The following TUSC3 variants were observed in gnomAD, a reference collection of about 807,000 sequenced individuals.
TUSC3 encodes the protein tumor suppressor candidate 3.
TUSC3 carries 45 observed loss-of-function variants against 44.8 expected under a neutral mutation model. The ratio of observed to expected loss-of-function variants is 1.00; its 90% CI spans 0.79 to 1.29. The LOEUF (loss-of-function observed/expected upper bound fraction) is 1.29. Ranked by LOEUF, TUSC3 falls within the 50% of genes most tolerant of loss-of-function variation. TUSC3 has a pLI of 0.00. For missense variants in TUSC3, 519 were observed against 437.9 expected, an observed-to-expected ratio of 1.19 and a Z score of -1.65; for synonymous variants, 212 against 152.9, an observed-to-expected ratio of 1.39 and a Z score of -2.85.
intron 1 of TUSC3, among the ~76,000 whole-genome samples, chr8:15,436,133 C>T (rs1032237683): frequency 2.0e-5 from 3 of 152,094 alleles, no homozygotes; most frequent in African/African-American, 4.8e-5. Context: ...ATAGGGTTTC[C>T]TGACTATCCT....
chr8:15,635,344 A>C (rs1387200415), intron 2 of TUSC3, among the ~76,000 whole-genome samples: 1 of 152,146 alleles, frequency 6.6e-6, no homozygotes, highest in Non-Finnish European at 1.5e-5. Context: ...CGAGTCACAC[A>C]TATTTTCATG....
chr8:15,511,850 G>A (rs950988875), intron 2 of TUSC3, among the ~76,000 whole-genome samples: 5 of 146,130 alleles, frequency 3.4e-5, no homozygotes, highest in Non-Finnish European at 6.1e-5. Flanking sequence ...CAGCCTGGGC[G>A]ACAGAGCAAG....
At chr8:15,732,469 C>G (rs1159869428) in intron 7 of TUSC3, among the ~76,000 whole-genome samples, 1 of 152,040 alleles carries the variant, frequency 6.6e-6, no homozygotes, top group East Asian at 1.9e-4. Flanking sequence ...TCCGTTAAAC[C>G]TTTGTTTCTT....
chr8:15,807,114 G>T, the TUSC3 span: 7 of 1,166,720 alleles, frequency 6.0e-6, no homozygotes, highest in Non-Finnish European at 8.9e-6. Flanking sequence ...GTTATACACA[G>T]CAAAGAATGA....
intron 6 of TUSC3, among the ~76,000 whole-genome samples, chr8:15,711,680 T>C (rs1406436260): frequency 6.6e-6 from 1 of 151,800 alleles, no homozygotes; most frequent in Non-Finnish European, 1.5e-5. Flanking sequence ...ATAACCTGTT[T>C]TGTCTGATTT....
rs73665470 is a variant in TUSC3 at position 15,661,031 on chromosome 8, A to T, written c.568-1125A>T. On this transcript the variant is annotated intron_variant, in intron 4 of 10. Transcript: ENST00000503731. ...TAGGTTCACCTATTGTTAACATTTT[A>T]TTCCATCTGCTTTGTGATTATCATT... 9.2e-3 allele frequency among the ~76,000 whole-genome samples: 1,403 copies of T among 151,812 alleles called. 22 individuals carry two copies. Among genetic ancestry groups the T allele is most frequent in the African/African-American group, 0.033 (1,358 of 41,454 alleles).
At chr8:15,669,083 C>G (rs1182196769) in intron 5 of TUSC3, among the ~76,000 whole-genome samples, 2 of 151,678 alleles carry the variant, frequency 1.3e-5, no homozygotes, top group African/African-American at 4.8e-5. Flanking sequence ...CAGAGCTTTG[C>G]CAGGGCCATA....
chr8:15,773,041 T>C, the TUSC3 span, among the ~76,000 whole-genome samples: 1 of 82,764 alleles, frequency 1.2e-5, no homozygotes, highest in Admixed American at 1.3e-4. Flanking sequence ...CATTCAATGG[T>C]TAAAAACAAA....
At chr8:15,829,914 G>A in the TUSC3 span, among the ~76,000 whole-genome samples, 4 of 152,148 alleles carry the variant, frequency 2.6e-5, no homozygotes, top group African/African-American at 4.8e-5. Flanking sequence ...CCCACCAGCA[G>A]TGTGTAAGTA....
intron 6 of TUSC3, among the ~76,000 whole-genome samples, chr8:15,689,960 G>T (rs1200852841): frequency 1.3e-5 from 2 of 151,714 alleles, no homozygotes; most frequent in Non-Finnish European, 2.9e-5. Flanking sequence ...TGTGAATAGT[G>T]CTATGATGCA....
At chr8:15,493,097 A>C (rs536012099) in intron 2 of TUSC3, among the ~76,000 whole-genome samples, 1 of 152,326 alleles carries the variant, frequency 6.6e-6, no homozygotes, top group South Asian at 2.1e-4. Context: ...ACACAAAAAA[A>C]ATCCTGCAAG....
chr8:15,841,223 A>G, the TUSC3 span, among the ~76,000 whole-genome samples: 1 of 152,120 alleles, frequency 6.6e-6, no homozygotes, highest in Non-Finnish European at 1.5e-5. Flanking sequence ...CAGTTTCTGT[A>G]TGTCCAGATA....
chr8:15,658,661 A>AATACAATATATATACAC (rs1327624511), intron 3 of TUSC3, among the ~76,000 whole-genome samples: 41 of 111,528 alleles, frequency 3.7e-4, no homozygotes, highest in African/African-American at 1.4e-3. Flanking sequence ...CACACACACA[A>AATACAATATATATACAC]ATACAATATA....
In TUSC3 at chr8:15,425,755, G is replaced by C. The variant is rs190347391; in HGVS notation, n.91+8450G>C. Among the ~76,000 whole-genome samples the C allele has an allele frequency of 1.9e-3, 285 of 152,328 alleles. 1 individual carries two copies. Among genetic ancestry groups the C allele is most frequent in the African/African-American group, 6.6e-3 (274 of 41,568 alleles). On this transcript the variant is annotated intron_variant and non_coding_transcript_variant, in intron 1 of 5. Coordinates refer to the TUSC3 transcript ENST00000503191. ...CTCATGGCTAGAAATTTCTGCACTA[G>C]TTAACCATCCCTGTGAAAAACAGGG...
Position 15,748,485 on chromosome 8 carries a change from A to T in TUSC3, c.1028+20A>T, listed in dbSNP as rs1386631593. On this transcript the variant is annotated intron_variant, in intron 9 of 10. Coordinates refer to ENST00000503731, the MANE Select transcript of TUSC3 (RefSeq NM_006765.4). ...TTATAGGTAATATCTTTATACTAACATGAATGTTTTTATTTTTAACTAATA... is the reference window on the plus strand; with the variant it reads ...TTATAGGTAATATCTTTATACTAACTTGAATGTTTTTATTTTTAACTAATA... The T allele has an allele frequency of 3.9e-6, 6 of 1,538,056 alleles. No individual in the cohort carries two copies. The East Asian group carries it at 1.4e-4, about 35-fold the overall frequency.
chr8:15,428,195 C>G (rs79854701), intron 1 of TUSC3, among the ~76,000 whole-genome samples: 2 of 146,870 alleles, frequency 1.4e-5, no homozygotes, highest in South Asian at 4.3e-4. Context: ...GTTCAATTCC[C>G]ACCTATGAGT....
intron 9 of TUSC3, among the ~76,000 whole-genome samples, chr8:15,750,225 C>A (rs1216883477): frequency 6.6e-6 from 1 of 151,992 alleles, no homozygotes; most frequent in Non-Finnish European, 1.5e-5. Context: ...ATGGTCCACC[C>A]ACCTCGGCCT....
At chr8:15,682,807 C>G (rs187427844) in intron 6 of TUSC3, among the ~76,000 whole-genome samples, 1,827 of 133,570 alleles carry the variant, frequency 0.014, 21 homozygotes, top group Non-Finnish European at 0.024. Flanking sequence ...ATGTCTAGAA[C>G]TTTCTTTTTT....
At chr8:15,651,703 A>G (rs1032839325) in intron 3 of TUSC3, among the ~76,000 whole-genome samples, 1 of 152,226 alleles carries the variant, frequency 6.6e-6, no homozygotes, top group African/African-American at 2.4e-5. Context: ...AGAACTGTGA[A>G]AAATAAATTT....
Sources: allele counts gnomAD v4.1 joint callset (sites outside exome capture counted in the v4.1 genomes callset), GRCh38; gene constraint gnomAD v4.1.1; transcripts MANE v1.5; gene names NCBI Gene and HGNC (gene_info 2026-07-23, HGNC 2026-07-21).